The following NOX4 variants were observed in gnomAD, a reference collection of about 807,000 sequenced individuals.
NOX4 encodes the protein kidney oxidase-1.
A neutral mutation model predicts 87.6 loss-of-function variants in NOX4; 69 were observed. The observed-to-expected ratio is 0.79, with a 90% CI of 0.65 to 0.96. NOX4 has a LOEUF of 0.96. Ranked by LOEUF, NOX4 falls within the 40% of genes least tolerant of loss-of-function variation. NOX4 has a pLI of 0.00. For missense variants in NOX4, 680 were observed against 681.5 expected (o/e 1.00, Z 0.02); for synonymous variants, 275 against 238.2 (o/e 1.15, Z -1.42).
Position 89,440,730 on chromosome 11 carries a change from A to G in NOX4, c.448-15T>C, listed in dbSNP as rs762858996. On this transcript the variant is annotated splice_polypyrimidine_tract_variant and intron_variant, in intron 5 of 17. Coordinates refer to ENST00000263317, the MANE Select transcript of NOX4 (RefSeq NM_016931.5). The stretch of plus-strand genomic sequence containing the variant: ...TTTCTAGGATCCTGAGAAAAAGAAA[A>G]AAAAATAAATGATTAAAAACTAAAG... 1.4e-6 allele frequency: 2 copies of G among 1,468,664 alleles called. No individual in the cohort carries two copies. Among genetic ancestry groups the G allele is most frequent in the South Asian group, 2.4e-5 (2 of 81,944 alleles). The allele number at this position is 1,468,664 out of a possible 1,614,324, so 91.0% of individuals were successfully genotyped here.
intron 8 of NOX4, among the ~76,000 whole-genome samples, chr11:89,419,439 A>T (rs1394453558): frequency 6.6e-6 from 1 of 151,914 alleles, no homozygotes; most frequent in African/African-American, 2.4e-5. Context: ...TTTAATTTTG[A>T]GAAAATGGTA....
chr11:89,498,636 G>T (rs1344148572), upstream of NOX4: 1 of 152,112 alleles, frequency 6.6e-6, no homozygotes, highest in Non-Finnish European at 1.5e-5. Context: ...AAAAAATAAC[G>T]TTCAGAATGA....
At chr11:89,393,365 T>C (rs1028922429) in intron 11 of NOX4, among the ~76,000 whole-genome samples, 1 of 152,080 alleles carries the variant, frequency 6.6e-6, no homozygotes, top group African/African-American at 2.4e-5. Context: ...CTGGTCTCAT[T>C]GTTAGAAATG....
At chr11:89,424,011 T>C (rs887513583) in intron 7 of NOX4, among the ~76,000 whole-genome samples, 1 of 152,120 alleles carries the variant, frequency 6.6e-6, no homozygotes, top group East Asian at 1.9e-4. Context: ...AGGTTGCGGC[T>C]GCATTGAGCT....
chr11:89,438,912 A>T (rs1447290764), intron 6 of NOX4, among the ~76,000 whole-genome samples: 108 of 42,788 alleles, frequency 2.5e-3, no homozygotes, highest in African/African-American at 8.0e-3. Flanking sequence ...TATAATATAT[A>T]ATATAAAATA....
chr11:89,580,213 T>C, the NOX4 span, among the ~76,000 whole-genome samples: 1 of 152,110 alleles, frequency 6.6e-6, no homozygotes, highest in Non-Finnish European at 1.5e-5. Context: ...TGAGATAGGG[T>C]CTCACTCTGT....
chr11:89,446,934 C>G (rs574684771), intron 4 of NOX4, among the ~76,000 whole-genome samples: 1 of 152,118 alleles, frequency 6.6e-6, no homozygotes, highest in African/African-American at 2.4e-5. Flanking sequence ...ACCACTCTGG[C>G]AGGGGATGTT....
chr11:89,556,528 A>AGGGAG, the NOX4 span, among the ~76,000 whole-genome samples: 1 of 126,658 alleles, frequency 7.9e-6, no homozygotes, highest in South Asian at 2.9e-4. Flanking sequence ...ATCAAGGGGA[A>AGGGAG]GGGAGGGGAA....
chr11:89,337,434 A>C lies in NOX4; in HGVS notation c.1515+13T>G. ...AGAGGCTTGTTTAATTTACGATAAC[A>C]TCAACCACATACCTGTATCCCATCT... is the stretch of plus-strand genomic sequence containing the variant. On this transcript the variant is annotated intron_variant, in intron 16 of 17. Transcript: ENST00000263317. 1 of 1,611,460 alleles carries C rather than the reference A, an allele frequency of 6.2e-7. No homozygotes were observed. The highest frequency in any genetic ancestry group is 8.5e-7 in the Non-Finnish European group (1 of 1,178,244).
At chr11:89,336,082 A>G in intron 16 of NOX4, 137 bp from the exon 17 acceptor site, 1 of 447,352 alleles carries the variant, frequency 2.2e-6, no homozygotes, top group Non-Finnish European at 4.1e-6. Flanking sequence ...GCAACCTATC[A>G]CGTACAATTA....
intron 5 of NOX4, among the ~76,000 whole-genome samples, chr11:89,443,232 G>T (rs1048227861): frequency 1.3e-5 from 2 of 152,072 alleles, no homozygotes; most frequent in African/African-American, 4.8e-5. Flanking sequence ...TTCTGAATTT[G>T]TTGTTACTTT....
chr11:89,413,090 A>G (rs879464276), intron 8 of NOX4, among the ~76,000 whole-genome samples: 1 of 152,156 alleles, frequency 6.6e-6, no homozygotes, highest in Non-Finnish European at 1.5e-5. Context: ...TCAACATCAC[A>G]TCATCAGATA....
chr11:89,573,759 T>C, the NOX4 span, among the ~76,000 whole-genome samples: 1 of 152,216 alleles, frequency 6.6e-6, no homozygotes, highest in Non-Finnish European at 1.5e-5. Flanking sequence ...AGTGGGCGAC[T>C]TGAAGAACAA....
chr11:89,424,937 C>T (rs1044858896), intron 7 of NOX4, among the ~76,000 whole-genome samples: 1 of 151,926 alleles, frequency 6.6e-6, no homozygotes, highest in Non-Finnish European at 1.5e-5. Context: ...AACAATAAAA[C>T]AGAAAAGCAA....
intron 7 of NOX4, 127 bp from the exon 8 acceptor site, chr11:89,422,109 T>C: frequency 3.9e-6 from 2 of 509,426 alleles, no homozygotes; most frequent in Non-Finnish European, 3.5e-6. Context: ...TACATCATAT[T>C]AATCTACTAA....
intron 4 of NOX4, among the ~76,000 whole-genome samples, chr11:89,446,499 CTG>C (rs1944716771): frequency 6.6e-6 from 1 of 150,570 alleles, no homozygotes; most frequent in Admixed American, 6.7e-5. Context: ...AAAAAAAAAA[CTG>C]TGGTACATCC....
chr11:89,470,725 C>CA (rs1317718759), intron 2 of NOX4, among the ~76,000 whole-genome samples: 3 of 151,852 alleles, frequency 2.0e-5, no homozygotes, highest in Non-Finnish European at 2.9e-5. Context: ...GTCCAACCTC[C>CA]TTTTTTTTGG....
At chr11:89,450,973 A>G (rs1944930182) in intron 3 of NOX4, among the ~76,000 whole-genome samples, 1 of 150,722 alleles carries the variant, frequency 6.6e-6, no homozygotes, top group African/African-American at 2.4e-5. Flanking sequence ...ACAGAAAACC[A>G]AACACCACAT....
At chr11:89,445,364 A>G (rs1944653842) in intron 4 of NOX4, among the ~76,000 whole-genome samples, 1 of 151,050 alleles carries the variant, frequency 6.6e-6, no homozygotes, top group East Asian at 1.9e-4. Flanking sequence ...CACAAAAATA[A>G]TGAAAGTGAG....
Sources: gnomAD v4.1 joint callset for allele counts (sites outside exome capture counted in the v4.1 genomes callset) on GRCh38, gnomAD v4.1.1 for gene constraint, MANE v1.5 for transcripts, NCBI Gene and HGNC (gene_info 2026-07-23, HGNC 2026-07-21) for gene names.